Variants in TUBGCP5 observed in about 807,000 individuals in gnomAD.
TUBGCP5 encodes tubulin gamma complex component 5, also known as gamma-tubulin complex component 5.
A neutral mutation model predicts 134.7 loss-of-function variants in TUBGCP5; 98 were observed. The ratio of observed to expected loss-of-function variants is 0.73; its 90% CI spans 0.62 to 0.86. TUBGCP5 has a LOEUF of 0.86. TUBGCP5 is among the 40% of genes least tolerant of loss of function. The pLI, the probability that TUBGCP5 is intolerant of heterozygous loss-of-function variation, is 0.00. For synonymous variants in TUBGCP5, 456 were observed against 431.4 expected (o/e 1.06, Z -0.71); for missense variants, 1,150 against 1,244.8 (o/e 0.92, Z 1.15).
At chr15:23,005,972 C>A (rs1457837807) in intron 18 of TUBGCP5, 80 bp downstream of exon 18, 3 of 1,405,124 alleles carry the variant, frequency 2.1e-6, no homozygotes, top group Non-Finnish European at 1.9e-6. Context: ...TCCCCGTATG[C>A]TTCCCTTTCC....
At chr15:23,005,923 A>C in intron 18 of TUBGCP5, 129 bp downstream of exon 18, 1 of 1,062,514 alleles carries the variant, frequency 9.4e-7, no homozygotes, top group East Asian at 2.7e-5. Context: ...TACACATAAA[A>C]AATGATCAAC....
Position 23,027,750 on chromosome 15 carries a change from A to G in TUBGCP5, c.623-444T>C, listed in dbSNP as rs147381245. 8.5e-5 allele frequency among the ~76,000 whole-genome samples: 13 copies of G among 152,232 alleles called. No homozygotes were observed. In the East Asian group the frequency reaches 2.5e-3, roughly 30 times the overall value. ...TGACACAGTAAGACCCTATCTCAAA[A>G]AACAAAGTAAAATAAAATAAAACCA... On this transcript the variant is annotated intron_variant, in intron 6 of 22. Transcript: ENST00000615383.
chr15:23,007,515 C>T (rs1013327619), intron 16 of TUBGCP5, among the ~76,000 whole-genome samples: 2 of 152,162 alleles, frequency 1.3e-5, no homozygotes, highest in African/African-American at 2.4e-5. Flanking sequence ...AAGCCAATCT[C>T]TCTTCCCTCC....
rs577028581 is a variant in TUBGCP5 at position 23,025,794 on chromosome 15, G to A, written c.827+322C>T. On this transcript the variant is annotated intron_variant, in intron 8 of 22. Coordinates refer to ENST00000615383, the MANE Select transcript of TUBGCP5 (RefSeq NM_052903.6). Reference sequence around the variant, plus strand: ...TGCAGTGAGCTGAGATAGAGCTACTGCACTCCAGCCTGAGCAACAGAGTGA... The same window carrying A: ...TGCAGTGAGCTGAGATAGAGCTACTACACTCCAGCCTGAGCAACAGAGTGA... 3.4e-5 allele frequency among the ~76,000 whole-genome samples: 5 copies of A among 148,376 alleles called. No homozygotes were observed. In the East Asian group the frequency reaches 9.9e-4, roughly 29 times the overall value.
chr15:23,021,501 G>C (rs527447780), intron 11 of TUBGCP5, among the ~76,000 whole-genome samples: 1 of 152,058 alleles, frequency 6.6e-6, no homozygotes. Context: ...TTTAAGTTCA[G>C]AGGTTTTAAG....
intron 23 of TUBGCP5, among the ~76,000 whole-genome samples, chr15:22,986,920 A>C (rs921152714): frequency 6.6e-6 from 1 of 152,152 alleles, no homozygotes; most frequent in Non-Finnish European, 1.5e-5. Flanking sequence ...TCAGGGTTCA[A>C]CCAGAAAAGC....
Position 23,022,013 on chromosome 15 carries a change from G to A in TUBGCP5, c.1317C>T (p.Thr439=). ...NVVRASHLLN[T]LYKAILEYDN... Reference sequence around the variant, plus strand: ...CATATTCAAGAATGGCCTTGTACAGGGTGTTAAGCAGGTGAGAGGCCCGGA... The same window carrying A: ...CATATTCAAGAATGGCCTTGTACAGAGTGTTAAGCAGGTGAGAGGCCCGGA... Residue 439 remains threonine (T), a synonymous_variant, in exon 11 of 23, where the codon ACC becomes ACT. Transcript: ENST00000615383. The A allele has an allele frequency of 6.2e-7, 1 of 1,614,126 alleles. No homozygotes were observed. The highest frequency in any genetic ancestry group is 8.5e-7 in the Non-Finnish European group (1 of 1,180,020).
chr15:23,034,843 A>C (rs375211211), intron 3 of TUBGCP5, among the ~76,000 whole-genome samples: 11 of 151,736 alleles, frequency 7.2e-5, no homozygotes, highest in African/African-American at 2.2e-4. Context: ...CAAAAAAACA[A>C]ACAAACAAAA....
At position 23,003,109 on chromosome 15, in the gene TUBGCP5, A is replaced by C; in HGVS notation, c.2883T>G (p.Ala961=). Residue 961 remains alanine (A), a synonymous_variant, in exon 21 of 23, where the codon GCT becomes GCG. Coordinates refer to ENST00000615383, the MANE Select transcript of TUBGCP5 (RefSeq NM_052903.6). ...CCTGCCAACCGTCTGCAAACATGAG[A>C]GCCAAGTTCAACACCTTCATGATAG... is the stretch of plus-strand genomic sequence containing the variant. The part of the protein sequence containing the change: ...KEAIMKVLNL[A]LMFADGWQAG... 6.2e-7 allele frequency: 1 copy of C among 1,614,204 alleles called. No homozygotes were observed. The highest frequency in any genetic ancestry group is 8.5e-7 in the Non-Finnish European group (1 of 1,180,028).
At position 23,011,350 on chromosome 15, in the gene TUBGCP5, T is replaced by C. The variant is rs376832635; in HGVS notation, c.1757-19A>G. On this transcript the variant is annotated intron_variant, in intron 13 of 22. Transcript: ENST00000615383. ...TCTGCATCTGAAACATAAAGAAATA[T>C]GTAAGGTGAACTAAGTTCTGTTTAA... 60 of 1,590,958 alleles carry C rather than the reference T, an allele frequency of 3.8e-5. 1 individual carries two copies. Among genetic ancestry groups the C allele is most frequent in the African/African-American group, 3.1e-4 (23 of 74,488 alleles).
chr15:23,016,978 A>ATATATATATATATATATATATATG (rs2065367994), intron 13 of TUBGCP5, among the ~76,000 whole-genome samples: 1 of 144,206 alleles, frequency 6.9e-6, no homozygotes, highest in Non-Finnish European at 1.5e-5. Context: ...AGATATATAT[A>ATATATATATATATATATATATATG]TATATATATG....
chr15:22,990,842 C>T (rs2063824238), intron 23 of TUBGCP5, among the ~76,000 whole-genome samples: 1 of 152,060 alleles, frequency 6.6e-6, no homozygotes, highest in Non-Finnish European at 1.5e-5. Flanking sequence ...GAGAACAGAC[C>T]CAGAAAGAGG....
At chr15:23,005,774 G>A in intron 18 of TUBGCP5, 164 bp from the exon 19 acceptor site, 1 of 758,514 alleles carries the variant, frequency 1.3e-6, no homozygotes, top group Non-Finnish European at 2.1e-6. Context: ...AGGTGCAGTG[G>A]GAAAAGTTTC....
At chr15:23,022,698 T>A (rs1209223357) in intron 10 of TUBGCP5, among the ~76,000 whole-genome samples, 1 of 152,222 alleles carries the variant, frequency 6.6e-6, no homozygotes, top group African/African-American at 2.4e-5. Context: ...GGTGAAACCA[T>A]GTCAGGTCTG....
chr15:23,031,362 G>C (rs2066301835), intron 5 of TUBGCP5, among the ~76,000 whole-genome samples: 1 of 151,482 alleles, frequency 6.6e-6, no homozygotes, highest in Non-Finnish European at 1.5e-5. Context: ...TGTCATCCAG[G>C]TTGGAGTGCA....
chr15:23,021,358 A>AT (rs1241026518), intron 11 of TUBGCP5, among the ~76,000 whole-genome samples: 2 of 151,714 alleles, frequency 1.3e-5, no homozygotes, highest in Non-Finnish European at 2.9e-5. Context: ...AATTTAACTA[A>AT]TTTTTTAAAG....
In TUBGCP5 at chr15:23,014,998, C is replaced by T. The variant is rs561183050; in HGVS notation, c.1756+2775G>A. On this transcript the variant is annotated intron_variant, in intron 13 of 22. Coordinates refer to ENST00000615383, the MANE Select transcript of TUBGCP5 (RefSeq NM_052903.6). Reference sequence around the variant, plus strand: ...CTGTGGTCCCAAACCCTGAGCCAGACCCCACCTTGGCCAAACCACTGTGTA... The same window carrying T: ...CTGTGGTCCCAAACCCTGAGCCAGATCCCACCTTGGCCAAACCACTGTGTA... Among the ~76,000 whole-genome samples the T allele has an allele frequency of 3.3e-4, 50 of 152,272 alleles. 2 individuals are homozygous for T. The South Asian group carries it at 9.5e-3, about 29-fold the overall frequency.
chr15:23,032,777 G>A lies in TUBGCP5; in HGVS notation c.357C>T (p.Asp119=). The change falls in exon 4 of 23, where the codon GAC becomes GAT. Residue 119 remains aspartate, a synonymous_variant. Coordinates refer to ENST00000615383, the MANE Select transcript of TUBGCP5 (RefSeq NM_052903.6). ...SILSLLLCLS[D]SPSNSSYVET... ...CCACATAACTGCTGTTTGAAGGAGA[G>A]TCTGACAGACACAGAAGAAGTGACA... 1 of 1,596,652 alleles carries A rather than the reference G, an allele frequency of 6.3e-7. No individual in the cohort carries two copies.
Position 23,017,747 on chromosome 15 carries a change from G to A in TUBGCP5, c.1756+26C>T, listed in dbSNP as rs568200157. The A allele has an allele frequency of 1.2e-5, 20 of 1,601,930 alleles. No homozygotes were observed. The African/African-American group carries it at 2.3e-4, about 18-fold the overall frequency. On this transcript the variant is annotated intron_variant, in intron 13 of 22. Coordinates refer to ENST00000615383, the MANE Select transcript of TUBGCP5 (RefSeq NM_052903.6). Reference sequence around the variant, plus strand: ...AGGGTCAGGTGTCCCAACACCAAGAGAGACACAGGAAGACGGAACAAGTAC... The same window carrying A: ...AGGGTCAGGTGTCCCAACACCAAGAAAGACACAGGAAGACGGAACAAGTAC...
Sources: gnomAD v4.1 joint callset for allele counts (sites outside exome capture counted in the v4.1 genomes callset) on GRCh38, gnomAD v4.1.1 for gene constraint, MANE v1.5 for transcripts, NCBI Gene and HGNC (gene_info 2026-07-23, HGNC 2026-07-21) for gene names.